FRMPD4: variants seen among roughly 807,000 people sequenced by gnomAD.
FRMPD4 encodes FERM and PDZ domain containing 4.
Under a neutral mutation model 94.1 loss-of-function variants are expected in FRMPD4, and 22 were observed. The ratio of observed to expected loss-of-function variants is 0.23; its 90% CI spans 0.17 to 0.33. The LOEUF is 0.33. FRMPD4 is among the 10% of genes least tolerant of loss of function. The pLI is 1.00. For synonymous variants in FRMPD4, 631 were observed against 548.6 expected, an observed-to-expected ratio of 1.15 and a Z score of -2.10; for missense variants, 1,111 against 1,339.9, an observed-to-expected ratio of 0.83 and a Z score of 2.67.
intron 9 of FRMPD4, among the ~76,000 whole-genome samples, chrX:12,698,215 A>G (rs1030346509): frequency 1.8e-5 from 2 of 112,171 alleles, no homozygotes; most frequent in African/African-American, 6.5e-5. Flanking sequence ...AAGTTGCAAT[A>G]GTAATATCTA....
chrX:12,441,366 A>G (rs1381215677), intron 1 of FRMPD4, among the ~76,000 whole-genome samples: 1 of 112,533 alleles, frequency 8.9e-6, no homozygotes, highest in Non-Finnish European at 1.9e-5. Flanking sequence ...AAAACTCTAA[A>G]TATTACAATT....
chrX:12,591,963 C>T (rs1021816138), intron 2 of FRMPD4, among the ~76,000 whole-genome samples: 1 of 111,537 alleles, frequency 9.0e-6, no homozygotes, highest in Non-Finnish European at 1.9e-5. Flanking sequence ...CTCTTTCTGT[C>T]CCGAAGAGAG....
At chrX:12,553,177 A>T (rs866197376) in intron 2 of FRMPD4, among the ~76,000 whole-genome samples, 1 of 103,772 alleles carries the variant, frequency 9.6e-6, no homozygotes, top group African/African-American at 3.5e-5. Flanking sequence ...AGTAAGAAAG[A>T]AAGAAAGAAA....
intron 3 of FRMPD4, among the ~76,000 whole-genome samples, chrX:11,987,557 G>T (rs2054439032): frequency 9.0e-6 from 1 of 111,312 alleles, no homozygotes; most frequent in Non-Finnish European, 1.9e-5. Context: ...CATAGTACTA[G>T]AAGTCCTAGC....
At position 12,010,088 on chromosome X, in the gene FRMPD4, C is replaced by T. The variant is rs188225266; in HGVS notation, c.95+132070C>T. On this transcript the variant is annotated intron_variant, in intron 3 of 18. Coordinates refer to the FRMPD4 transcript ENST00000640291. ...GGAAAGCAAATAAGCACAGAGAGAC[C>T]GAATGAGGTATACTGAGTAGAAATC... Among the ~76,000 whole-genome samples, 569 of 111,083 alleles carry T rather than the reference C, an allele frequency of 5.1e-3. 4 individuals carry two copies. Among genetic ancestry groups the T allele is most frequent in the Non-Finnish European group, 7.4e-3 (392 of 52,930 alleles).
chrX:12,343,721 G>A (rs185729114), intron 1 of FRMPD4, among the ~76,000 whole-genome samples: 49 of 111,602 alleles, frequency 4.4e-4, no homozygotes, highest in African/African-American at 1.5e-3. Context: ...ACCTGCACAC[G>A]ATTTATCATG....
At chrX:12,672,541 T>G (rs981369221) in intron 4 of FRMPD4, among the ~76,000 whole-genome samples, 5 of 111,891 alleles carry the variant, frequency 4.5e-5, no homozygotes, top group African/African-American at 1.3e-4. Flanking sequence ...TTTTTTCAGT[T>G]TGTAATGAAG....
chrX:12,632,994 T>C (rs1489678197), intron 4 of FRMPD4, among the ~76,000 whole-genome samples: 2 of 112,243 alleles, frequency 1.8e-5, no homozygotes, highest in Non-Finnish European at 3.8e-5. Flanking sequence ...CCACCATTTA[T>C]TAAGCCCTCC....
chrX:12,197,517 C>T (rs1354456859), intron 1 of FRMPD4, among the ~76,000 whole-genome samples: 4 of 111,230 alleles, frequency 3.6e-5, no homozygotes, highest in Non-Finnish European at 5.7e-5. Context: ...ATGCTGTGAC[C>T]GGAAGATGAA....
intron 3 of FRMPD4, among the ~76,000 whole-genome samples, chrX:12,037,260 A>G (rs1334567021): frequency 1.8e-5 from 2 of 111,843 alleles, no homozygotes; most frequent in Admixed American, 9.5e-5. Flanking sequence ...TGAGGATTAT[A>G]TTTGTCAATA....
At chrX:12,286,541 C>A (rs765265339) in intron 1 of FRMPD4, among the ~76,000 whole-genome samples, 1 of 111,913 alleles carries the variant, frequency 8.9e-6, no homozygotes, top group African/African-American at 3.2e-5. Context: ...TGAGTAAGCC[C>A]CATGTACTGC....
chrX:11,827,065 TATATATATATATATATATATAAA>T (rs1601788673), intron 1 of FRMPD4, among the ~76,000 whole-genome samples: 1 of 93,354 alleles, frequency 1.1e-5, no homozygotes, highest in Non-Finnish European at 2.1e-5. Flanking sequence ...ATGGAAATTA[TATATATATATATATATATATAAA>T]ATATATATGT....
At chrX:11,865,037 A>G (rs1270829444) in intron 1 of FRMPD4, among the ~76,000 whole-genome samples, 2 of 112,051 alleles carry the variant, frequency 1.8e-5, no homozygotes. Flanking sequence ...AATGTGTAAC[A>G]CATTTTATAC....
chrX:12,497,395 G>T (rs1465366811), intron 1 of FRMPD4, among the ~76,000 whole-genome samples: 1 of 108,361 alleles, frequency 9.2e-6, no homozygotes, highest in Admixed American at 9.8e-5. Flanking sequence ...TTTGCGTGTG[G>T]TTTTTTTGTT....
chrX:12,155,704 G>A (rs141718501), intron 1 of FRMPD4, among the ~76,000 whole-genome samples: 5,371 of 109,001 alleles, frequency 0.049, 314 homozygotes, highest in African/African-American at 0.17. Flanking sequence ...TCATAGCAGA[G>A]TTCCCCAATC....
intron 3 of FRMPD4, among the ~76,000 whole-genome samples, chrX:11,903,627 T>C (rs1263140092): frequency 8.9e-6 from 1 of 112,574 alleles, no homozygotes; most frequent in Non-Finnish European, 1.9e-5. Flanking sequence ...ATTCGAATCA[T>C]AGTTGTAAAT....
intron 3 of FRMPD4, among the ~76,000 whole-genome samples, chrX:12,106,774 C>G (rs2055302362): frequency 9.0e-6 from 1 of 111,560 alleles, no homozygotes; most frequent in South Asian, 3.8e-4. Flanking sequence ...CTCAGAGGGT[C>G]CCACACCCAC....
chrX:12,279,340 C>T (rs1030629062), intron 1 of FRMPD4, among the ~76,000 whole-genome samples: 2 of 112,336 alleles, frequency 1.8e-5, no homozygotes, highest in Admixed American at 9.3e-5. Context: ...TCTATCATCA[C>T]TCATGCAGCC....
At chrX:11,950,187 C>T (rs1251953651) in intron 3 of FRMPD4, among the ~76,000 whole-genome samples, 2 of 111,863 alleles carry the variant, frequency 1.8e-5, no homozygotes, top group African/African-American at 3.3e-5. Context: ...CCTGATTGCA[C>T]TCACTCTGTC....
Sources: gnomAD v4.1 joint callset for allele counts (sites outside exome capture counted in the v4.1 genomes callset) on GRCh38, gnomAD v4.1.1 for gene constraint, MANE v1.5 for transcripts, NCBI Gene and HGNC (gene_info 2026-07-23, HGNC 2026-07-21) for gene names.